The following ZNF469 variants were observed in gnomAD, a reference collection of about 807,000 sequenced individuals.
ZNF469 encodes the protein zinc finger protein 469.
Under a neutral mutation model 1.0 loss-of-function variants are expected in ZNF469, and 1 was observed. The ratio of observed to expected loss-of-function variants is 1.00; its 90% confidence interval spans 0.35 to 4.73. ZNF469 has a LOEUF of 4.73. Among genes scored for constraint, ZNF469 ranks in the 30% most tolerant of loss-of-function variants. The probability of loss-of-function intolerance (pLI) is 0.16; values close to 1 mark genes in which losing one functional copy is unlikely to be tolerated. For synonymous variants in ZNF469, 2,703 were observed against 2,363.4 expected (o/e 1.14, Z -4.17); for missense variants, 6,100 against 5,356.3 (o/e 1.14, Z -4.33).
the ZNF469 span, among the ~76,000 whole-genome samples, chr16:88,325,493 A>G: frequency 6.6e-6 from 1 of 152,242 alleles, no homozygotes; most frequent in Non-Finnish European, 1.5e-5. Flanking sequence ...CAGGTCAGTG[A>G]TAGGCGTGGC....
At chr16:88,353,758 A>T in the ZNF469 span, among the ~76,000 whole-genome samples, 1 of 152,306 alleles carries the variant, frequency 6.6e-6, no homozygotes, top group South Asian at 2.1e-4. Context: ...AGATGCAGGG[A>T]AGATGAGCCC....
At chr16:88,396,782 CGGG>C (rs1904684750) in intron 1 of ZNF469, among the ~76,000 whole-genome samples, 3 of 140,134 alleles carry the variant, frequency 2.1e-5, no homozygotes, top group Admixed American at 1.4e-4. Flanking sequence ...GAAGGGAGGC[CGGG>C]AGGAGACCCT....
the ZNF469 span, among the ~76,000 whole-genome samples, chr16:88,360,408 C>T: frequency 6.6e-6 from 1 of 152,164 alleles, no homozygotes; most frequent in Non-Finnish European, 1.5e-5. Flanking sequence ...AACCTAAAAC[C>T]TGCCAACGTG....
At chr16:88,355,406 A>C in the ZNF469 span, among the ~76,000 whole-genome samples, 1 of 152,322 alleles carries the variant, frequency 6.6e-6, no homozygotes, top group Non-Finnish European at 1.5e-5. Flanking sequence ...TCCCGCCACC[A>C]TGGCGCTCAC....
the ZNF469 span, among the ~76,000 whole-genome samples, chr16:88,211,591 G>A: frequency 3.9e-5 from 6 of 152,208 alleles, no homozygotes; most frequent in Non-Finnish European, 2.9e-5. Context: ...CTGATTTCTC[G>A]GTGTCTGTTT....
upstream of ZNF469, among the ~76,000 whole-genome samples, chr16:88,380,736 ACT>A (rs939487360): frequency 1.0e-4 from 15 of 146,480 alleles, no homozygotes; most frequent in Non-Finnish European, 4.5e-5. Context: ...ACAGACATGC[ACT>A]CACACACAGA....
Position 88,428,130 on chromosome 16 carries a change from G to A in ZNF469, c.660G>A (p.Gln220=), listed in dbSNP as rs965207266. Residue 220 remains glutamine (Q), a synonymous_variant, in exon 3 of 3, where the codon CAG becomes CAA. Coordinates refer to ENST00000565624, the MANE Select transcript of ZNF469 (RefSeq NM_001367624.2). The part of the protein sequence containing the change: ...PPQSRGTSPL[Q]PGSYPEYQAS... ...AGAGCAGGGGCACCAGCCCCCTCCA[G>A]CCCGGTTCCTATCCCGAATACCAGG... 3.2e-6 allele frequency: 5 copies of A among 1,550,020 alleles called. No homozygotes were observed. In the African/African-American group the frequency reaches 5.5e-5, roughly 17 times the overall value.
chr16:88,127,720 G>T, the ZNF469 span, among the ~76,000 whole-genome samples: 10 of 152,180 alleles, frequency 6.6e-5, no homozygotes, highest in Non-Finnish European at 2.9e-5. Context: ...GCTGAGGGTG[G>T]GGTGGCCTCC....
chr16:88,344,778 G>T, the ZNF469 span, among the ~76,000 whole-genome samples: 1 of 152,220 alleles, frequency 6.6e-6, no homozygotes, highest in Admixed American at 6.5e-5. Context: ...GGGCCGCTAT[G>T]GGTGTGTGCC....
At chr16:88,381,563 C>A (rs1354506467), upstream of ZNF469, among the ~76,000 whole-genome samples, 1 of 152,228 alleles carries the variant, frequency 6.6e-6, no homozygotes, top group Non-Finnish European at 1.5e-5. Flanking sequence ...CTTTAGGAAA[C>A]CCGCTTGATT....
chr16:88,219,262 A>C, the ZNF469 span, among the ~76,000 whole-genome samples: 1 of 150,336 alleles, frequency 6.7e-6, no homozygotes, highest in African/African-American at 2.5e-5. Context: ...GATTTGGAAA[A>C]AACTACTTTA....
At chr16:88,229,540 C>T in the ZNF469 span, among the ~76,000 whole-genome samples, 134 of 148,446 alleles carry the variant, frequency 9.0e-4, 1 homozygote, top group South Asian at 7.0e-3. Context: ...TGATGTCACG[C>T]GTGTGGATGT....
the ZNF469 span, among the ~76,000 whole-genome samples, chr16:88,239,329 T>G: frequency 1.8e-4 from 28 of 152,250 alleles, no homozygotes; most frequent in African/African-American, 5.8e-4. Context: ...AAAAAGAAGA[T>G]GAAGAAGATT....
At chr16:88,337,705 C>A in the ZNF469 span, among the ~76,000 whole-genome samples, 2 of 152,198 alleles carry the variant, frequency 1.3e-5, no homozygotes, top group Admixed American at 6.5e-5. Context: ...TCTGGCCACC[C>A]CACGGGCGTC....
the ZNF469 span, among the ~76,000 whole-genome samples, chr16:88,239,492 T>C: frequency 7.6e-6 from 1 of 130,952 alleles, no homozygotes; most frequent in African/African-American, 3.0e-5. Flanking sequence ...ATGGTCTCTC[T>C]TTTTTTTTTT....
At chr16:88,130,726 A>G in the ZNF469 span, among the ~76,000 whole-genome samples, 13 of 149,528 alleles carry the variant, frequency 8.7e-5, no homozygotes, top group South Asian at 1.9e-3. Context: ...AAAAAAAAAA[A>G]AGAGGCACCT....
At chr16:88,148,286 A>T in the ZNF469 span, among the ~76,000 whole-genome samples, 1 of 151,534 alleles carries the variant, frequency 6.6e-6, no homozygotes, top group Non-Finnish European at 1.5e-5. Context: ...CAGCTCCACC[A>T]CCCCCATGGG....
the ZNF469 span, among the ~76,000 whole-genome samples, chr16:88,359,153 T>C: frequency 6.6e-6 from 1 of 152,066 alleles, no homozygotes. Flanking sequence ...TCCTGGGGGC[T>C]CGGTATCCTG....
At chr16:88,136,771 C>T in the ZNF469 span, among the ~76,000 whole-genome samples, 14 of 152,296 alleles carry the variant, frequency 9.2e-5, no homozygotes, top group East Asian at 5.8e-4. Context: ...GAAGATTAGA[C>T]GATTCTCATG....
Sources: allele counts gnomAD v4.1 joint callset (sites outside exome capture counted in the v4.1 genomes callset), GRCh38; gene constraint gnomAD v4.1.1; transcripts MANE v1.5; gene names NCBI Gene and HGNC (gene_info 2026-07-23, HGNC 2026-07-21).